EYA1: variants seen among roughly 807,000 people sequenced by gnomAD.
EYA1 encodes EYA transcriptional coactivator and phosphatase 1.
EYA1 carries 16 observed loss-of-function variants against 82.0 expected under a neutral mutation model. That is an observed-to-expected ratio of 0.20 (90% confidence interval 0.13 to 0.30). The LOEUF (loss-of-function observed/expected upper bound fraction) is 0.30. EYA1 is among the 10% of genes least tolerant of loss of function. The pLI, the probability that EYA1 is intolerant of heterozygous loss-of-function variation, is 1.00. For synonymous variants in EYA1, 261 were observed against 264.4 expected, an observed-to-expected ratio of 0.99 and a Z score of 0.12; for missense variants, 633 against 730.7, an observed-to-expected ratio of 0.87 and a Z score of 1.54.
At chr8:71,453,607 GC>G (rs1807594983) in intron 2 of EYA1, among the ~76,000 whole-genome samples, 1 of 152,144 alleles carries the variant, frequency 6.6e-6, no homozygotes. Context: ...GAGAATGGGG[GC>G]CAATATTCAA....
At chr8:71,489,794 G>A (rs1490146059) in intron 2 of EYA1, among the ~76,000 whole-genome samples, 2 of 152,234 alleles carry the variant, frequency 1.3e-5, no homozygotes, top group Admixed American at 6.5e-5. Context: ...AGAACGACAT[G>A]TATTTTAATC....
rs542444142 is a variant in EYA1 at position 71,458,943 on chromosome 8, A to G, written c.33+76801T>C. ...AAACACACAGAAATACATACTAAAG[A>G]GGGCAGGAGGGTTCTATGACATTGA... On this transcript the variant is annotated intron_variant, in intron 2 of 18. Transcript: ENST00000643681. Among the ~76,000 whole-genome samples the G allele has an allele frequency of 7.2e-5, 11 of 152,268 alleles. No individual in the cohort carries two copies. In the South Asian group the frequency reaches 2.3e-3, roughly 32 times the overall value.
At chr8:71,443,195 T>C (rs1806561446) in intron 2 of EYA1, among the ~76,000 whole-genome samples, 1 of 152,160 alleles carries the variant, frequency 6.6e-6, no homozygotes, top group Non-Finnish European at 1.5e-5. Flanking sequence ...ATCCCAATAT[T>C]ATGTGGAGTG....
At chr8:71,298,657 T>C (rs1252771156) in intron 9 of EYA1, among the ~76,000 whole-genome samples, 2 of 152,188 alleles carry the variant, frequency 1.3e-5, no homozygotes, top group Non-Finnish European at 2.9e-5. Context: ...ATTACTTTGA[T>C]GAAAAACACT....
chr8:71,221,568 A>G (rs1198434931), intron 12 of EYA1, among the ~76,000 whole-genome samples: 1 of 152,216 alleles, frequency 6.6e-6, no homozygotes, highest in Non-Finnish European at 1.5e-5. Flanking sequence ...GGAATATATA[A>G]TAAACATTTC....
intron 1 of EYA1, among the ~76,000 whole-genome samples, chr8:71,357,480 C>T (rs573017966): frequency 8.5e-5 from 13 of 152,338 alleles, no homozygotes; most frequent in South Asian, 6.2e-4. Flanking sequence ...CTCAGGCTAA[C>T]GCCTCAGTAG....
rs373253029 is a variant in EYA1 at position 71,333,712 on chromosome 8, C to T, written c.202+385G>A. Among the ~76,000 whole-genome samples the T allele has an allele frequency of 5.9e-5, 9 of 152,228 alleles. No individual in the cohort carries two copies. In the South Asian group the frequency reaches 6.2e-4, roughly 11 times the overall value. ...ACAGTTACTTAGCAAGATGACTTGG[C>T]GAGTCTGCTTAGAAGCGTAAAACAC... On this transcript the variant is annotated intron_variant, in intron 4 of 17. Coordinates refer to ENST00000340726, the MANE Select transcript of EYA1 (RefSeq NM_000503.6).
At chr8:71,464,368 T>C (rs1000215854) in intron 2 of EYA1, among the ~76,000 whole-genome samples, 5 of 152,182 alleles carry the variant, frequency 3.3e-5, no homozygotes, top group African/African-American at 9.7e-5. Context: ...AGCTTATGTC[T>C]TTCACCTTCT....
chr8:71,267,602 A>G (rs547599273), intron 11 of EYA1, among the ~76,000 whole-genome samples: 8 of 152,276 alleles, frequency 5.3e-5, no homozygotes, highest in Admixed American at 1.3e-4. Flanking sequence ...AGGCTGGAGC[A>G]CAGTGGCGCG....
At chr8:71,398,227 G>T (rs564423735) in intron 2 of EYA1, among the ~76,000 whole-genome samples, 1 of 152,168 alleles carries the variant, frequency 6.6e-6, no homozygotes, top group East Asian at 1.9e-4. Flanking sequence ...CTTTGCAATG[G>T]GTTCAAACAT....
intron 2 of EYA1, among the ~76,000 whole-genome samples, chr8:71,449,834 G>T (rs1227018003): frequency 6.6e-6 from 1 of 152,176 alleles, no homozygotes; most frequent in Non-Finnish European, 1.5e-5. Context: ...CTTCATCAAT[G>T]ATCTTAGCCA....
intron 7 of EYA1, among the ~76,000 whole-genome samples, chr8:71,314,907 G>C (rs1197797678): frequency 2.0e-5 from 3 of 152,140 alleles, no homozygotes; most frequent in Non-Finnish European, 4.4e-5. Context: ...GCCTAATTTG[G>C]TGCTATACAT....
At chr8:71,507,588 A>G (rs895878231) in intron 2 of EYA1, among the ~76,000 whole-genome samples, 2 of 152,226 alleles carry the variant, frequency 1.3e-5, no homozygotes, top group African/African-American at 2.4e-5. Context: ...TTATTCTTAC[A>G]GCATTGTCTG....
chr8:71,261,704 T>C (rs1815130739), intron 11 of EYA1, among the ~76,000 whole-genome samples: 1 of 152,144 alleles, frequency 6.6e-6, no homozygotes, highest in African/African-American at 2.4e-5. Flanking sequence ...TGCCAAGAAG[T>C]GGTACAAAGA....
At chr8:71,469,378 C>A (rs1386292741) in intron 2 of EYA1, among the ~76,000 whole-genome samples, 1 of 152,054 alleles carries the variant, frequency 6.6e-6, no homozygotes, top group Non-Finnish European at 1.5e-5. Flanking sequence ...TATACAACTT[C>A]TTTATACTTC....
At chr8:71,359,002 A>G (rs1798530005) in intron 1 of EYA1, among the ~76,000 whole-genome samples, 1 of 152,094 alleles carries the variant, frequency 6.6e-6, no homozygotes. Flanking sequence ...AAATACTTCT[A>G]TGAGTGCAAA....
intron 2 of EYA1, among the ~76,000 whole-genome samples, chr8:71,456,647 C>A (rs1428763412): frequency 6.6e-6 from 1 of 151,236 alleles, no homozygotes; most frequent in African/African-American, 2.4e-5. Context: ...GAAAAAAAAA[C>A]AAGAAATGGG....
chr8:71,316,829 G>C (rs1414743610), intron 7 of EYA1, among the ~76,000 whole-genome samples: 3 of 152,164 alleles, frequency 2.0e-5, no homozygotes, highest in African/African-American at 7.2e-5. Context: ...TAAATTATGT[G>C]AGAACTATTC....
intron 2 of EYA1, among the ~76,000 whole-genome samples, chr8:71,468,570 T>G (rs1232114834): frequency 1.3e-5 from 2 of 152,208 alleles, no homozygotes; most frequent in African/African-American, 4.8e-5. Flanking sequence ...AATTGTATAC[T>G]CTAAAATGAT....
Sources: allele counts gnomAD v4.1 joint callset (sites outside exome capture counted in the v4.1 genomes callset), GRCh38; gene constraint gnomAD v4.1.1; transcripts MANE v1.5; gene names NCBI Gene and HGNC (gene_info 2026-07-23, HGNC 2026-07-21).